CDH13: variants seen among roughly 807,000 people sequenced by gnomAD.
CDH13 encodes the protein cadherin-13.
Under a neutral mutation model 63.8 loss-of-function variants are expected in CDH13, and 24 were observed. That is an observed-to-expected ratio of 0.38 (90% CI 0.27 to 0.53). The LOEUF is 0.53. Among genes scored for constraint, CDH13 ranks in the 20% least tolerant of loss-of-function variants. The probability of loss-of-function intolerance (pLI) is 0.85; values close to 1 mark genes in which losing one functional copy is unlikely to be tolerated. For synonymous variants in CDH13, 503 were observed against 355.3 expected (o/e 1.42, Z -4.67); for missense variants, 1,049 against 903.1 (o/e 1.16, Z -2.07).
intron 5 of CDH13, among the ~76,000 whole-genome samples, chr16:83,318,074 A>G (rs774500956): frequency 2.0e-5 from 3 of 152,196 alleles, no homozygotes; most frequent in Non-Finnish European, 4.4e-5. Context: ...AGGGGTAATA[A>G]TGATACCTAT....
At chr16:83,427,359 A>C (rs1026536629) in intron 6 of CDH13, among the ~76,000 whole-genome samples, 10 of 152,160 alleles carry the variant, frequency 6.6e-5, no homozygotes, top group Non-Finnish European at 1.5e-4. Flanking sequence ...GGGTCAGAGA[A>C]AGAGATGTGG....
intron 7 of CDH13, among the ~76,000 whole-genome samples, chr16:83,573,882 T>A (rs1904868875): frequency 6.6e-6 from 1 of 152,146 alleles, no homozygotes; most frequent in Non-Finnish European, 1.5e-5. Flanking sequence ...AGCTGTCCCA[T>A]TATTTTGGCA....
At position 83,591,720 on chromosome 16, in the gene CDH13, G is replaced by C. The variant is rs375809220; in HGVS notation, c.961-10734G>C. Among the ~76,000 whole-genome samples the C allele has an allele frequency of 3.7e-3, 571 of 152,292 alleles. 2 individuals are homozygous for C. Among genetic ancestry groups the C allele is most frequent in the African/African-American group, 0.013 (549 of 41,562 alleles). On this transcript the variant is annotated intron_variant, in intron 7 of 13. Coordinates refer to ENST00000567109, the MANE Select transcript of CDH13 (RefSeq NM_001257.5). ...AAAGCCACCGAAGCACTCCCAGTTA[G>C]TAGACAGCTAACTTAGCACAGGCTG...
intron 4 of CDH13, among the ~76,000 whole-genome samples, chr16:83,127,380 G>A (rs1169828563): frequency 2.6e-5 from 4 of 152,194 alleles, no homozygotes; most frequent in Non-Finnish European, 5.9e-5. Context: ...GAAGCAAAGA[G>A]ACCCACTAAG....
intron 6 of CDH13, among the ~76,000 whole-genome samples, chr16:83,462,948 G>A (rs1283990879): frequency 4.6e-5 from 7 of 152,036 alleles, no homozygotes; most frequent in East Asian, 1.9e-4. Context: ...CCCTCCTCTC[G>A]AGGAAGCTAT....
chr16:83,045,476 A>G (rs1272692218), intron 3 of CDH13, among the ~76,000 whole-genome samples: 1 of 151,900 alleles, frequency 6.6e-6, no homozygotes, highest in African/African-American at 2.4e-5. Context: ...ATCTCTACTA[A>G]AAATACAAAA....
chr16:83,073,023 G>T (rs1431703629), intron 3 of CDH13, among the ~76,000 whole-genome samples: 1 of 152,226 alleles, frequency 6.6e-6, no homozygotes, highest in Non-Finnish European at 1.5e-5. Context: ...AAATGGTAAC[G>T]ATGTGAAGGT....
chr16:83,211,920 AC>A (rs1169610433), intron 4 of CDH13, among the ~76,000 whole-genome samples: 2 of 152,152 alleles, frequency 1.3e-5, no homozygotes, highest in African/African-American at 2.4e-5. Context: ...AGAAAAAAAA[AC>A]ATCCCACTGT....
chr16:82,991,927 A>G (rs1911706039), intron 2 of CDH13, among the ~76,000 whole-genome samples: 1 of 152,180 alleles, frequency 6.6e-6, no homozygotes, highest in Non-Finnish European at 1.5e-5. Context: ...AACTTTTTCC[A>G]TTAATCAAAA....
intron 2 of CDH13, among the ~76,000 whole-genome samples, chr16:82,938,679 A>C (rs1333937061): frequency 1.3e-5 from 2 of 152,196 alleles, no homozygotes; most frequent in Non-Finnish European, 2.9e-5. Context: ...TAGTTTATTT[A>C]AAAGGTGCAG....
intron 5 of CDH13, among the ~76,000 whole-genome samples, chr16:83,294,616 G>GTATA (rs137898983): frequency 1.7e-4 from 26 of 150,154 alleles, no homozygotes; most frequent in South Asian, 1.1e-3. Flanking sequence ...GTGTGTGTGT[G>GTATA]TGTATATATA....
intron 10 of CDH13, 151 bp from the exon 11 acceptor site, chr16:83,747,957 T>A: frequency 2.5e-6 from 2 of 801,456 alleles, no homozygotes; most frequent in Non-Finnish European, 4.2e-6. Flanking sequence ...CTCTTGACTT[T>A]GTGAATGAGC....
intron 6 of CDH13, among the ~76,000 whole-genome samples, chr16:83,377,836 C>G (rs986746659): frequency 1.3e-5 from 2 of 152,010 alleles, no homozygotes; most frequent in Admixed American, 6.6e-5. Flanking sequence ...GTAGAAAGAC[C>G]ATAACACACA....
chr16:83,104,735 A>G (rs2034679730), intron 3 of CDH13, among the ~76,000 whole-genome samples: 1 of 152,208 alleles, frequency 6.6e-6, no homozygotes, highest in Non-Finnish European at 1.5e-5. Flanking sequence ...TGGTTGAACA[A>G]AGGGGGCAAT....
chr16:82,884,721 T>G (rs2040821687), intron 2 of CDH13, among the ~76,000 whole-genome samples: 1 of 152,192 alleles, frequency 6.6e-6, no homozygotes, highest in South Asian at 2.1e-4. Context: ...CATCTCCAAG[T>G]TTTTCTCAGC....
intron 1 of CDH13, among the ~76,000 whole-genome samples, chr16:82,844,198 A>G (rs2039151465): frequency 6.6e-6 from 1 of 152,164 alleles, no homozygotes; most frequent in African/African-American, 2.4e-5. Context: ...GAAGGAAGAG[A>G]GACAGAGAAA....
intron 6 of CDH13, among the ~76,000 whole-genome samples, chr16:83,412,662 C>T (rs182424446): frequency 1.1e-4 from 17 of 152,212 alleles, no homozygotes; most frequent in East Asian, 7.7e-4. Context: ...CAACTCCTTG[C>T]AGGTAGACAC....
intron 2 of CDH13, chr16:82,954,745 C>T (rs537908732): frequency 7.9e-6 from 1 of 126,682 alleles, no homozygotes; most frequent in South Asian, 3.2e-4. Flanking sequence ...TTTTTTAAAT[C>T]TCCTGGAAAA....
At chr16:83,295,375 G>T (rs1005606656) in intron 5 of CDH13, among the ~76,000 whole-genome samples, 12 of 151,916 alleles carry the variant, frequency 7.9e-5, no homozygotes, top group Non-Finnish European at 1.5e-4. Context: ...AAAATAAAAT[G>T]ATTATATCAA....
Sources: gnomAD v4.1 joint callset for allele counts (sites outside exome capture counted in the v4.1 genomes callset) on GRCh38, gnomAD v4.1.1 for gene constraint, MANE v1.5 for transcripts, NCBI Gene and HGNC (gene_info 2026-07-23, HGNC 2026-07-21) for gene names.